AUTS2: variants seen among roughly 807,000 people sequenced by gnomAD.
AUTS2 encodes the protein autism susceptibility gene 2 protein.
A neutral mutation model predicts 112.4 loss-of-function variants in AUTS2; 17 were observed. The ratio of observed to expected loss-of-function variants is 0.15; its 90% CI spans 0.10 to 0.23. The LOEUF is 0.23. AUTS2 is among the 10% of genes least tolerant of loss of function. The pLI is 1.00. For missense variants in AUTS2, 1,510 were observed against 1,701.6 expected, an observed-to-expected ratio of 0.89 and a Z score of 1.98; for synonymous variants, 751 against 702.7, an observed-to-expected ratio of 1.07 and a Z score of -1.09.
At chr7:69,618,173 A>ACAAAGAGG (rs1793476975) in intron 1 of AUTS2, among the ~76,000 whole-genome samples, 1 of 152,296 alleles carries the variant, frequency 6.6e-6, no homozygotes, top group Admixed American at 6.5e-5. Flanking sequence ...GCCTGCACTG[A>ACAAAGAGG]GCCTCTGACA....
chr7:70,698,139 A>G (rs1809232059), intron 5 of AUTS2, among the ~76,000 whole-genome samples: 1 of 152,196 alleles, frequency 6.6e-6, no homozygotes, highest in Admixed American at 6.5e-5. Context: ...TTTAGTGAGG[A>G]AAAGCTTAGC....
At chr7:70,789,703 C>G in intron 18 of AUTS2, 45 bp from the exon 19 acceptor site, 3 of 1,581,290 alleles carry the variant, frequency 1.9e-6, no homozygotes, top group Non-Finnish European at 2.6e-6. Flanking sequence ...GCCGACTCGC[C>G]CCTTTCATTT....
At position 69,599,899 on chromosome 7, in the gene AUTS2, G is replaced by T. The variant is rs1583913820; in HGVS notation, c.246G>T (p.Ser82=). The change falls in exon 1 of 19, where the codon TCG becomes TCT. Residue 82 remains serine, a synonymous_variant. Transcript: ENST00000342771. This position sits in a 1 kb window ranked among gnomAD's most constrained non-coding sequence, Gnocchi z 7.0. Reference sequence around the variant, plus strand: ...GGAGGAAGCGGAGAGAGTCCACCTCGGCAGAAGAGGACATCATTGATGGAT... The same window carrying T: ...GGAGGAAGCGGAGAGAGTCCACCTCTGCAGAAGAGGACATCATTGATGGAT... The part of the protein sequence containing the change: ...PPRRKRREST[S]AEEDIIDGFA... 20 of 1,613,540 alleles carry T rather than the reference G, an allele frequency of 1.2e-5. No individual in the cohort carries two copies. The East Asian group carries it at 4.5e-4, about 36-fold the overall frequency.
intron 4 of AUTS2, among the ~76,000 whole-genome samples, chr7:70,308,375 T>TC (rs1183513022): frequency 1.3e-5 from 2 of 152,226 alleles, no homozygotes; most frequent in African/African-American, 4.8e-5. Context: ...TTCCAGGGTT[T>TC]CAGTAGTAAA....
intron 6 of AUTS2, among the ~76,000 whole-genome samples, chr7:70,740,184 T>C (rs1788022451): frequency 6.6e-6 from 1 of 152,212 alleles, no homozygotes; most frequent in South Asian, 2.1e-4. Flanking sequence ...AATTTCAGGT[T>C]ACTGCAAAGT....
chr7:70,679,542 G>A (rs1220864454), intron 5 of AUTS2, among the ~76,000 whole-genome samples: 1 of 151,376 alleles, frequency 6.6e-6, no homozygotes, highest in Non-Finnish European at 1.5e-5. Context: ...TTAAAGATCT[G>A]ACCTATTGAG....
intron 4 of AUTS2, among the ~76,000 whole-genome samples, chr7:70,271,059 G>A (rs1157657146): frequency 6.6e-6 from 1 of 152,016 alleles, no homozygotes; most frequent in Non-Finnish European, 1.5e-5. Context: ...CCACCCCGGA[G>A]TTCAGGCTTC....
intron 4 of AUTS2, among the ~76,000 whole-genome samples, chr7:70,280,395 T>C (rs975667615): frequency 6.6e-6 from 1 of 150,816 alleles, no homozygotes; most frequent in African/African-American, 2.4e-5. Flanking sequence ...GCGATTCTCA[T>C]GCCTCAGCCT....
chr7:69,599,717 C>A lies in AUTS2; in HGVS notation c.64C>A (p.Arg22=). Residue 22 remains arginine, a synonymous_variant, in exon 1 of 19, where the codon CGG becomes AGG. Transcript: ENST00000342771. This position sits in a 1 kb window ranked among gnomAD's most constrained non-coding sequence, Gnocchi z 7.0. ...KKRRSRSQRD[R]ERRSRGGLGA... The stretch of plus-strand genomic sequence containing the variant: ...GCGGCGGTCGCGGTCGCAGCGAGAC[C>A]GGGAGAGGCGCTCCCGGGGCGGGCT... The A allele has an allele frequency of 7.5e-7, 1 of 1,324,958 alleles. No homozygotes were observed. Among genetic ancestry groups the A allele is most frequent in the Non-Finnish European group, 9.6e-7 (1 of 1,042,818 alleles). The allele number at this position is 1,324,958 out of a possible 1,614,324, so 82.1% of individuals were successfully genotyped here.
At chr7:70,500,533 A>G (rs1466235564) in intron 5 of AUTS2, among the ~76,000 whole-genome samples, 1 of 152,202 alleles carries the variant, frequency 6.6e-6, no homozygotes, top group South Asian at 2.1e-4. Flanking sequence ...GCTTTCCTCA[A>G]GTCAGAAAGA....
chr7:69,969,582 C>T (rs1797764714), intron 2 of AUTS2, among the ~76,000 whole-genome samples: 1 of 152,128 alleles, frequency 6.6e-6, no homozygotes, highest in South Asian at 2.1e-4. Flanking sequence ...TTTTCCAAAA[C>T]TCATCAAGAT....
At position 70,431,832 on chromosome 7, in the gene AUTS2, G is replaced by A. The variant is rs1795684357; in HGVS notation, c.661-3920G>A. ...GGAAGAGACGGTGAAGATGGAAGTT[G>A]AGTGGTTTCAGTATTGAGATGGCTG... On this transcript the variant is annotated intron_variant, in intron 4 of 18. Coordinates refer to ENST00000342771, the MANE Select transcript of AUTS2 (RefSeq NM_015570.4). Among the ~76,000 whole-genome samples, 3 of 152,226 alleles carry A rather than the reference G, an allele frequency of 2.0e-5. No individual in the cohort carries two copies. The South Asian group carries it at 6.2e-4, about 32-fold the overall frequency.
intron 6 of AUTS2, among the ~76,000 whole-genome samples, chr7:70,720,574 A>ACC (rs1563151154): frequency 6.6e-6 from 1 of 151,748 alleles, no homozygotes; most frequent in Non-Finnish European, 1.5e-5. Flanking sequence ...ACACACACAC[A>ACC]CCCCTTTCTT....
chr7:70,424,567 T>G (rs1172498847), intron 4 of AUTS2, among the ~76,000 whole-genome samples: 2 of 151,928 alleles, frequency 1.3e-5, no homozygotes, highest in Non-Finnish European at 2.9e-5. Context: ...ATTCTTGGTG[T>G]TTTTTGTTTG....
At chr7:70,179,665 T>C (rs931485400) in intron 4 of AUTS2, among the ~76,000 whole-genome samples, 14 of 152,194 alleles carry the variant, frequency 9.2e-5, no homozygotes, top group African/African-American at 1.2e-4. Context: ...TTTAGCAAGA[T>C]AGGGGCTCCT....
At chr7:69,967,236 G>T (rs566480852) in intron 2 of AUTS2, among the ~76,000 whole-genome samples, 102 of 152,298 alleles carry the variant, frequency 6.7e-4, no homozygotes, top group African/African-American at 2.3e-3. Flanking sequence ...GTGTTAATCT[G>T]TGTCCTGAGG....
In AUTS2 at chr7:70,056,939, A is replaced by T. The variant is rs891514633; in HGVS notation, c.523-61193A>T. 3.3e-5 allele frequency among the ~76,000 whole-genome samples: 5 copies of T among 152,208 alleles called. No individual in the cohort carries two copies. The East Asian group carries it at 9.6e-4, about 29-fold the overall frequency. On this transcript the variant is annotated intron_variant, in intron 2 of 18. Transcript: ENST00000342771. ...TGTTCCTACATTCTAGGTTCCTATGATTATAATGATTCTTGCTGATAATAT... is the reference window on the plus strand; with the variant it reads ...TGTTCCTACATTCTAGGTTCCTATGTTTATAATGATTCTTGCTGATAATAT...
chr7:70,436,996 A>G (rs1795920621), intron 5 of AUTS2: 1 of 152,294 alleles, frequency 6.6e-6, no homozygotes, highest in Admixed American at 6.5e-5. Context: ...ATGATAGACC[A>G]ATGCATGTCC....
At chr7:70,502,980 A>G (rs1301124916) in intron 5 of AUTS2, among the ~76,000 whole-genome samples, 1 of 151,886 alleles carries the variant, frequency 6.6e-6, no homozygotes, top group East Asian at 1.9e-4. Context: ...TTTGCCCATT[A>G]AATACCAGTA....
Sources: allele counts gnomAD v4.1 joint callset (sites outside exome capture counted in the v4.1 genomes callset), GRCh38; gene constraint gnomAD v4.1.1; non-coding constraint Gnocchi (gnomAD v3.1); transcripts MANE v1.5; gene names NCBI Gene and HGNC (gene_info 2026-07-23, HGNC 2026-07-21).